Variants in PRKG1 observed in about 807,000 individuals in gnomAD.
PRKG1 encodes cGMP-dependent protein kinase 1.
In PRKG1, 35 loss-of-function variants were observed where a neutral mutation model predicts 88.1. The observed-to-expected ratio is 0.40, with a 90% CI of 0.30 to 0.53. The LOEUF is 0.53. PRKG1 is among the 20% of genes least tolerant of loss of function. The probability of loss-of-function intolerance (pLI) is 0.59; values close to 1 mark genes in which losing one functional copy is unlikely to be tolerated. For synonymous variants in PRKG1, 303 were observed against 292.5 expected, an observed-to-expected ratio of 1.04 and a Z score of -0.37; for missense variants, 540 against 839.8, an observed-to-expected ratio of 0.64 and a Z score of 4.41.
chr10:51,285,954 T>C (rs1840429366), intron 2 of PRKG1, among the ~76,000 whole-genome samples: 1 of 148,224 alleles, frequency 6.7e-6, no homozygotes, highest in African/African-American at 2.5e-5. Context: ...GGACAGCAGG[T>C]GCCTTTATTT....
chr10:51,145,739 C>T (rs1322922338), intron 1 of PRKG1, among the ~76,000 whole-genome samples: 2 of 152,124 alleles, frequency 1.3e-5, no homozygotes, highest in East Asian at 3.9e-4. Flanking sequence ...TTAATATAAG[C>T]CTGCCCCATC....
chr10:51,270,709 A>T (rs754977851), intron 2 of PRKG1, among the ~76,000 whole-genome samples: 1 of 152,074 alleles, frequency 6.6e-6, no homozygotes, highest in Non-Finnish European at 1.5e-5. Flanking sequence ...CCTTTCCATG[A>T]CTTGTGAGCT....
intron 4 of PRKG1, among the ~76,000 whole-genome samples, chr10:51,877,442 A>G (rs1841326489): frequency 6.6e-6 from 1 of 152,224 alleles, no homozygotes; most frequent in Admixed American, 6.5e-5. Flanking sequence ...CTTGCTTATC[A>G]GTGCAAACAG....
At position 51,351,328 on chromosome 10, in the gene PRKG1, C is replaced by T. The variant is rs551879090; in HGVS notation, c.479-116395C>T. ...TTCTGGTTCTAGATCTTTGAGGAAT[C>T]GCCACACTGTCTTCCACAATGGTTG... On this transcript the variant is annotated intron_variant, in intron 2 of 17. Coordinates refer to ENST00000373980, the MANE Select transcript of PRKG1 (RefSeq NM_006258.4). Among the ~76,000 whole-genome samples, 275 of 152,248 alleles carry T rather than the reference C, an allele frequency of 1.8e-3. 1 individual carries two copies. Among genetic ancestry groups the T allele is most frequent in the Non-Finnish European group, 2.6e-3 (177 of 68,016 alleles).
chr10:51,062,927 G>A (rs1468219970), intron 1 of PRKG1: 1 of 152,070 alleles, frequency 6.6e-6, no homozygotes, highest in African/African-American at 2.4e-5. Flanking sequence ...CGGCCCAACA[G>A]TCTCTATTGA....
intron 2 of PRKG1, among the ~76,000 whole-genome samples, chr10:51,176,450 T>C (rs1215093436): frequency 6.6e-6 from 1 of 152,132 alleles, no homozygotes; most frequent in African/African-American, 2.4e-5. Context: ...GCTTAACATT[T>C]AGGAACAAAG....
chr10:52,218,843 T>G (rs1248850477), intron 9 of PRKG1, among the ~76,000 whole-genome samples: 1 of 152,170 alleles, frequency 6.6e-6, no homozygotes, highest in Non-Finnish European at 1.5e-5. Context: ...GAGTCTTATC[T>G]TCATTAATTA....
chr10:51,022,435 C>T (rs1843151174), intron 1 of PRKG1, among the ~76,000 whole-genome samples: 1 of 152,216 alleles, frequency 6.6e-6, no homozygotes. Context: ...GCTGATTTCT[C>T]TTTCCTTCCA....
chr10:52,004,588 T>C (rs2454537), intron 5 of PRKG1, among the ~76,000 whole-genome samples: 151,551 of 152,270 alleles, frequency 1, 75,420 homozygotes, highest in Middle Eastern at 1. Flanking sequence ...AATTTAATTT[T>C]CCTTAAAAAT....
chr10:51,722,242 C>A (rs1430343870), intron 3 of PRKG1, among the ~76,000 whole-genome samples: 2 of 150,042 alleles, frequency 1.3e-5, no homozygotes, highest in Admixed American at 1.3e-4. Flanking sequence ...AAAAAAAAAA[C>A]AACAACATAG....
At chr10:52,284,315 A>T (rs954948132) in intron 14 of PRKG1, among the ~76,000 whole-genome samples, 1 of 152,030 alleles carries the variant, frequency 6.6e-6, no homozygotes, top group South Asian at 2.1e-4. Context: ...ACCAAACTTA[A>T]TTTTTTTACC....
intron 4 of PRKG1, among the ~76,000 whole-genome samples, chr10:51,888,551 G>A (rs923290453): frequency 5.9e-5 from 9 of 152,110 alleles, no homozygotes; most frequent in African/African-American, 2.2e-4. Flanking sequence ...TTTTTGAAAG[G>A]GCCACTAGCT....
rs1843152060 is a variant in PRKG1 at position 51,022,492 on chromosome 10, C to T, written c.266+30848C>T. Reference sequence around the variant, plus strand: ...TTATTTTGTTGCCTCTCCAAGTCCTCCCCTCTCTCTCCACTTCCTCTTGGA... The same window carrying T: ...TTATTTTGTTGCCTCTCCAAGTCCTTCCCTCTCTCTCCACTTCCTCTTGGA... On this transcript the variant is annotated intron_variant, in intron 1 of 17. Transcript: ENST00000401604. Among the ~76,000 whole-genome samples the T allele has an allele frequency of 6.6e-5, 10 of 152,248 alleles. No individual in the cohort carries two copies. The South Asian group carries it at 2.1e-3, about 32-fold the overall frequency.
chr10:51,615,685 C>G (rs1186821844), intron 3 of PRKG1, among the ~76,000 whole-genome samples: 1 of 149,250 alleles, frequency 6.7e-6, no homozygotes, highest in Non-Finnish European at 1.5e-5. Flanking sequence ...ATGCTTGTCT[C>G]TTTGACAAAG....
At chr10:52,128,812 C>G (rs1589631686) in intron 7 of PRKG1, among the ~76,000 whole-genome samples, 1 of 152,102 alleles carries the variant, frequency 6.6e-6, no homozygotes, top group Non-Finnish European at 1.5e-5. Context: ...AATACAGAGG[C>G]ACAGAACTAG....
At chr10:52,289,671 T>C (rs1842196448) in intron 16 of PRKG1, among the ~76,000 whole-genome samples, 1 of 141,006 alleles carries the variant, frequency 7.1e-6, no homozygotes, top group Non-Finnish European at 1.6e-5. Flanking sequence ...GCAAAAACTT[T>C]AGTCTTTTTT....
At chr10:51,464,419 G>T (rs1402874389) in intron 2 of PRKG1, among the ~76,000 whole-genome samples, 3 of 152,110 alleles carry the variant, frequency 2.0e-5, no homozygotes, top group African/African-American at 7.2e-5. Context: ...TGTCAAAACT[G>T]CTATTTCTCA....
At chr10:51,248,287 G>A (rs941839513) in intron 2 of PRKG1, among the ~76,000 whole-genome samples, 2 of 151,830 alleles carry the variant, frequency 1.3e-5, no homozygotes, top group African/African-American at 4.8e-5. Context: ...AGATCTTCCA[G>A]AGATAAGATG....
chr10:51,290,789 C>A (rs558581791), intron 2 of PRKG1, among the ~76,000 whole-genome samples: 18 of 152,230 alleles, frequency 1.2e-4, no homozygotes, highest in African/African-American at 3.9e-4. Flanking sequence ...TTTTTGGAGT[C>A]TCTCTGACTT....
Sources: gnomAD v4.1 joint callset for allele counts (sites outside exome capture counted in the v4.1 genomes callset) on GRCh38, gnomAD v4.1.1 for gene constraint, MANE v1.5 for transcripts, NCBI Gene and HGNC (gene_info 2026-07-23, HGNC 2026-07-21) for gene names.